The following RFX8 variants were observed in gnomAD, a reference collection of about 807,000 sequenced individuals.
RFX8 encodes the protein DNA-binding protein RFX8.
A neutral mutation model predicts 54.6 loss-of-function variants in RFX8; 46 were observed. The observed-to-expected ratio is 0.84, with a 90% CI of 0.67 to 1.08. The LOEUF (loss-of-function observed/expected upper bound fraction) is 1.08. Among genes scored for constraint, RFX8 ranks in the 50% least tolerant of loss-of-function variants. The pLI, the probability that RFX8 is intolerant of heterozygous loss-of-function variation, is 0.00. For synonymous variants in RFX8, 192 were observed against 209.5 expected (o/e 0.92, Z 0.72); for missense variants, 536 against 562.3 (o/e 0.95, Z 0.47).
intron 4 of RFX8, among the ~76,000 whole-genome samples, chr2:101,420,244 G>A (rs1686784769): frequency 6.6e-6 from 1 of 152,092 alleles, no homozygotes; most frequent in East Asian, 1.9e-4. Flanking sequence ...CTCTTCTTTA[G>A]TAATAATAAA....
At position 101,412,914 on chromosome 2, in the gene RFX8, C is replaced by CATTTCAT; in HGVS notation, c.712_718dup (p.Cys240TyrfsTer71). 1 of 1,547,932 alleles carries CATTTCAT rather than the reference C, an allele frequency of 6.5e-7. No homozygotes were observed. The highest frequency in any genetic ancestry group is 8.7e-7 in the Non-Finnish European group (1 of 1,145,438). On this transcript the variant is annotated frameshift_variant and splice_region_variant. Transcript: ENST00000428343. LOFTEE classifies it high-confidence loss of function. ...AAAGCAAGCTGCAGAAGGAAGATTA[C>CATTTCAT]ATTTCATCTCTGGGTTGTTCTCCAG... is the stretch of plus-strand genomic sequence containing the variant.
At chr2:101,432,988 C>T (rs911352559) in intron 2 of RFX8, among the ~76,000 whole-genome samples, 2 of 152,116 alleles carry the variant, frequency 1.3e-5, no homozygotes, top group Non-Finnish European at 2.9e-5. Context: ...CAACCCTTAC[C>T]TAGGATGTTA....
rs965515703 is a variant in RFX8 at position 101,467,337 on chromosome 2, C to T, written c.-52-437G>A. Among the ~76,000 whole-genome samples, 7 of 152,148 alleles carry T rather than the reference C, an allele frequency of 4.6e-5. No homozygotes were observed. In the East Asian group the frequency reaches 5.8e-4, roughly 13 times the overall value. ...AAGTCCTATCACCCCTGCAGGTGAC[C>T]GCAGGGGCCAGCCTGGCTTCCCAGG... On this transcript the variant is annotated intron_variant, in intron 1 of 11. Coordinates refer to ENST00000428343, the MANE Select transcript of RFX8 (RefSeq NM_001145664.2).
chr2:101,434,832 T>C (rs1425172737), intron 2 of RFX8: 1 of 152,242 alleles, frequency 6.6e-6, no homozygotes, highest in Admixed American at 6.5e-5. Flanking sequence ...GGACACCTTA[T>C]TAGTACCTGA....
chr2:101,404,046 T>C (rs1479254773), intron 10 of RFX8, among the ~76,000 whole-genome samples: 1 of 152,226 alleles, frequency 6.6e-6, no homozygotes, highest in Non-Finnish European at 1.5e-5. Flanking sequence ...TCATCTGCAT[T>C]ATCAGTTTGC....
intron 1 of RFX8, among the ~76,000 whole-genome samples, chr2:101,473,973 T>C (rs1463278318): frequency 6.6e-6 from 1 of 152,086 alleles, no homozygotes; most frequent in Non-Finnish European, 1.5e-5. Flanking sequence ...AAGTCACAGA[T>C]GGGAAGCCCG....
intron 2 of RFX8, among the ~76,000 whole-genome samples, chr2:101,429,271 G>A (rs1194987875): frequency 6.6e-6 from 1 of 152,158 alleles, no homozygotes; most frequent in Non-Finnish European, 1.5e-5. Flanking sequence ...ATATGATATC[G>A]TCATGGGTAG....
In RFX8 at chr2:101,417,602, T is replaced by A; in HGVS notation, c.434A>T (p.Lys145Ile). Residue 145 changes from lysine (K) to isoleucine (I), a missense_variant, in exon 6 of 12, where the codon AAA becomes ATA. By Grantham distance (102) the Lys-to-Ile change is moderately radical. Transcript: ENST00000428343. ...AGCATTAAGGAGCCACAGCTTAAAT[T>A]TCTTACTAAATAACTGCACAGATTT... Reference protein sequence around the residue: ...YLKSVQLFSKKFKLWLLNALE... With the variant: ...YLKSVQLFSKIFKLWLLNALE... 1 of 1,551,744 alleles carries A rather than the reference T, an allele frequency of 6.4e-7. No homozygotes were observed. The highest frequency in any genetic ancestry group is 8.7e-7 in the Non-Finnish European group (1 of 1,146,902).
At chr2:101,407,135 C>T (rs1476644790) in intron 9 of RFX8, among the ~76,000 whole-genome samples, 3 of 152,250 alleles carry the variant, frequency 2.0e-5, no homozygotes, top group Admixed American at 2.0e-4. Flanking sequence ...ACCACAGCTC[C>T]ACCACATGTC....
chr2:101,462,222 G>A (rs796786831), intron 2 of RFX8, among the ~76,000 whole-genome samples: 3 of 152,152 alleles, frequency 2.0e-5, no homozygotes, highest in Non-Finnish European at 4.4e-5. Context: ...AAGCCCAGGG[G>A]TCCAAGACCA....
At chr2:101,426,576 C>G (rs1194166773) in intron 2 of RFX8, among the ~76,000 whole-genome samples, 1 of 152,046 alleles carries the variant, frequency 6.6e-6, no homozygotes, top group African/African-American at 2.4e-5. Flanking sequence ...TAAACAAAAG[C>G]TATATCTAAA....
intron 2 of RFX8, among the ~76,000 whole-genome samples, chr2:101,432,759 C>T (rs1687559813): frequency 6.6e-6 from 1 of 152,206 alleles, no homozygotes; most frequent in Non-Finnish European, 1.5e-5. Flanking sequence ...CAGAGCTGGC[C>T]TTGTTGTGAA....
Position 101,453,985 on chromosome 2 carries a change from G to A in RFX8, c.72+12792C>T, listed in dbSNP as rs562930459. Among the ~76,000 whole-genome samples, 17 of 152,176 alleles carry A rather than the reference G, an allele frequency of 1.1e-4. 1 individual carries two copies. In the East Asian group the frequency reaches 2.7e-3, roughly 24 times the overall value. On this transcript the variant is annotated intron_variant, in intron 2 of 11. Transcript: ENST00000428343. ...ACGTACGTATACATGTGCCATGTTGGTTTGCTGCACCCATCAACTTGTCAT... is the reference window on the plus strand; with the variant it reads ...ACGTACGTATACATGTGCCATGTTGATTTGCTGCACCCATCAACTTGTCAT...
At chr2:101,473,699 A>G (rs1690136332) in intron 1 of RFX8, among the ~76,000 whole-genome samples, 1 of 152,204 alleles carries the variant, frequency 6.6e-6, no homozygotes, top group South Asian at 2.1e-4. Flanking sequence ...CTCAGTCCCA[A>G]GGGCTGAGGA....
chr2:101,466,921 G>C, intron 1 of RFX8, 21 bp from the exon 2 acceptor site: 1 of 1,131,698 alleles, frequency 8.8e-7, no homozygotes, highest in East Asian at 2.6e-5. Flanking sequence ...GGAGGACAAG[G>C]AGGAGGAAAT....
At chr2:101,433,169 C>T (rs1018890431) in intron 2 of RFX8, among the ~76,000 whole-genome samples, 5 of 152,178 alleles carry the variant, frequency 3.3e-5, no homozygotes, top group African/African-American at 1.2e-4. Flanking sequence ...AAGCAAGTCA[C>T]ATGAAGCGAC....
chr2:101,418,158 G>A (rs1686645973), intron 5 of RFX8, among the ~76,000 whole-genome samples: 1 of 152,136 alleles, frequency 6.6e-6, no homozygotes, highest in South Asian at 2.1e-4. Context: ...CCAAAGTGCT[G>A]GGATTACAAG....
At chr2:101,406,107 A>C (rs749636708) in intron 9 of RFX8, 50 bp from the exon 10 acceptor site, 29 of 1,079,580 alleles carry the variant, frequency 2.7e-5, no homozygotes, top group Non-Finnish European at 4.0e-5. Flanking sequence ...TAAAATCAAG[A>C]AGCATAGTAT....
intron 10 of RFX8, among the ~76,000 whole-genome samples, chr2:101,403,812 A>G (rs1249884372): frequency 6.6e-6 from 1 of 152,174 alleles, no homozygotes; most frequent in Non-Finnish European, 1.5e-5. Flanking sequence ...AAAAGGACAT[A>G]TCAAAGGTTT....
Sources: gnomAD v4.1 joint callset for allele counts (sites outside exome capture counted in the v4.1 genomes callset) on GRCh38, gnomAD v4.1.1 for gene constraint, MANE v1.5 for transcripts, NCBI Gene and HGNC (gene_info 2026-07-23, HGNC 2026-07-21) for gene names.